MARCHF3: variants seen among roughly 807,000 people sequenced by gnomAD.
MARCHF3 encodes E3 ubiquitin-protein ligase MARCHF3.
MARCHF3 carries 13 observed loss-of-function variants against 24.2 expected under a neutral mutation model. That is an observed-to-expected ratio of 0.54 (90% CI 0.35 to 0.85). MARCHF3 has a LOEUF of 0.85. MARCHF3 is among the 40% of genes least tolerant of loss of function. MARCHF3 has a pLI of 0.01. For synonymous variants in MARCHF3, 144 were observed against 137.3 expected, an observed-to-expected ratio of 1.05 and a Z score of -0.34; for missense variants, 276 against 325.0, an observed-to-expected ratio of 0.85 and a Z score of 1.16.
chr5:127,001,931 GAATT>G (rs1283972641), intron 1 of MARCHF3, among the ~76,000 whole-genome samples: 1 of 152,204 alleles, frequency 6.6e-6, no homozygotes, highest in Non-Finnish European at 1.5e-5. Flanking sequence ...AGTCAAGCAT[GAATT>G]ACTTTATAGG....
chr5:126,977,075 T>C (rs1751227695), intron 1 of MARCHF3, among the ~76,000 whole-genome samples: 2 of 152,192 alleles, frequency 1.3e-5, no homozygotes, highest in Admixed American at 6.5e-5. Context: ...CCCAACATAA[T>C]CAGCACGTAC....
At chr5:127,019,747 C>G (rs1255417287) in intron 1 of MARCHF3, among the ~76,000 whole-genome samples, 1 of 152,218 alleles carries the variant, frequency 6.6e-6, no homozygotes, top group Non-Finnish European at 1.5e-5. Flanking sequence ...ACCTGCCTTA[C>G]TTTTCGCATG....
rs147122569 is a variant in MARCHF3, at chr5:126,927,942, C to G, written c.-56-9715G>C. On this transcript the variant is annotated intron_variant, in intron 1 of 4. Transcript: ENST00000308660. ...CCAGGCAAAATAACTAAATAATATA[C>G]AGAGGTCTACCCTTACACGTTTTCA... Among the ~76,000 whole-genome samples the G allele has an allele frequency of 3.6e-3, 546 of 152,248 alleles. 6 individuals carry two copies. The highest frequency in any genetic ancestry group is 0.013 in the African/African-American group (529 of 41,544).
At chr5:126,976,775 G>T (rs527577080) in intron 1 of MARCHF3, among the ~76,000 whole-genome samples, 1 of 152,142 alleles carries the variant, frequency 6.6e-6, no homozygotes, top group Non-Finnish European at 1.5e-5. Flanking sequence ...GGGAATCCTC[G>T]CCCCGATCCT....
chr5:126,955,383 C>A (rs1750405374), intron 1 of MARCHF3, among the ~76,000 whole-genome samples: 1 of 152,208 alleles, frequency 6.6e-6, no homozygotes, highest in Non-Finnish European at 1.5e-5. Context: ...TGGTTATGGA[C>A]CACATTTCAA....
intron 3 of MARCHF3, among the ~76,000 whole-genome samples, chr5:126,890,585 G>A (rs145033541): frequency 0.089 from 13,505 of 151,452 alleles, 1,371 homozygotes; most frequent in African/African-American, 0.25. Context: ...AAGTTTTCCA[G>A]TTTCATCCAT....
chr5:126,958,929 G>A (rs1478287248), intron 1 of MARCHF3, among the ~76,000 whole-genome samples: 3 of 152,078 alleles, frequency 2.0e-5, no homozygotes, highest in African/African-American at 7.2e-5. Flanking sequence ...TATTGCCAAA[G>A]TATAAAATGA....
At position 126,904,510 on chromosome 5, in the gene MARCHF3, C is replaced by G. The variant is rs1754220842; in HGVS notation, c.393+10420G>C. ...GACTTTTTAATGATTGCCATTCTAA[C>G]TGGTGTGAGATGGTATCTCATTGTG... On this transcript the variant is annotated intron_variant, in intron 3 of 4. Coordinates refer to ENST00000308660, the MANE Select transcript of MARCHF3 (RefSeq NM_178450.5). Among the ~76,000 whole-genome samples, 15 of 148,618 alleles carry G rather than the reference C, an allele frequency of 1.0e-4. 3 individuals are homozygous for G. In the South Asian group the frequency reaches 3.4e-3, roughly 33 times the overall value.
chr5:127,022,658 G>A (rs191495418), intron 1 of MARCHF3, among the ~76,000 whole-genome samples: 4 of 152,104 alleles, frequency 2.6e-5, no homozygotes, highest in Admixed American at 6.5e-5. Context: ...CCCAACCCCC[G>A]GATCCAAAGG....
intron 3 of MARCHF3, among the ~76,000 whole-genome samples, chr5:126,908,398 TA>T (rs1345661375): frequency 1.3e-5 from 2 of 152,224 alleles, no homozygotes; most frequent in Non-Finnish European, 2.9e-5. Flanking sequence ...TTCTCCTGGA[TA>T]ATATCCTGCA....
chr5:126,984,773 A>T (rs545841977), intron 1 of MARCHF3, among the ~76,000 whole-genome samples: 1 of 152,370 alleles, frequency 6.6e-6, no homozygotes, highest in African/African-American at 2.4e-5. Context: ...CTGAAGAAAG[A>T]GGAGTGATAA....
At chr5:126,874,314 G>A (rs1340737146) in intron 4 of MARCHF3, among the ~76,000 whole-genome samples, 1 of 152,214 alleles carries the variant, frequency 6.6e-6, no homozygotes, top group African/African-American at 2.4e-5. Context: ...GCGGCCTGGT[G>A]CAGTGGCTCA....
intron 3 of MARCHF3, among the ~76,000 whole-genome samples, chr5:126,903,619 C>A (rs1754179676): frequency 6.6e-6 from 1 of 151,524 alleles, no homozygotes; most frequent in Admixed American, 6.6e-5. Flanking sequence ...AATGTCTCCA[C>A]CTAAGTCTCG....
At chr5:127,017,841 G>GA (rs1056599334) in intron 1 of MARCHF3, among the ~76,000 whole-genome samples, 3 of 151,832 alleles carry the variant, frequency 2.0e-5, no homozygotes, top group African/African-American at 7.3e-5. Context: ...AATTTTATAG[G>GA]AAAAAAATCT....
rs749787660 is a variant in MARCHF3, at chr5:126,915,150, G to A, written c.189-16C>T. On this transcript the variant is annotated splice_polypyrimidine_tract_variant and intron_variant, in intron 2 of 4. Coordinates refer to ENST00000308660, the MANE Select transcript of MARCHF3 (RefSeq NM_178450.5). ...ATTGAAGGGGCTGCAAGAGAAGGAG[G>A]GGCACCTGCTGGTCACTGGGCTGGA... is the stretch of plus-strand genomic sequence containing the variant. The A allele has an allele frequency of 6.2e-7, 1 of 1,611,310 alleles. No individual in the cohort carries two copies. Among genetic ancestry groups the A allele is most frequent in the Admixed American group, 1.7e-5 (1 of 59,934 alleles).
intron 3 of MARCHF3, chr5:126,898,732 G>T: frequency 4.7e-6 from 2 of 422,574 alleles, no homozygotes; most frequent in Non-Finnish European, 6.3e-6. Context: ...CTGCTCCTAC[G>T]TGCCAGCATT....
At chr5:126,889,850 T>C (rs1753623643) in intron 3 of MARCHF3, among the ~76,000 whole-genome samples, 1 of 152,190 alleles carries the variant, frequency 6.6e-6, no homozygotes, top group Non-Finnish European at 1.5e-5. Flanking sequence ...CTAAACTCTG[T>C]CTTTGAATTT....
chr5:127,024,234 G>C (rs1034647077), intron 1 of MARCHF3, among the ~76,000 whole-genome samples: 1 of 152,224 alleles, frequency 6.6e-6, no homozygotes, highest in African/African-American at 2.4e-5. Context: ...CACTGCTAAA[G>C]TTGACAGTTG....
intron 1 of MARCHF3, among the ~76,000 whole-genome samples, chr5:127,028,551 T>C (rs570706810): frequency 1.7e-4 from 25 of 151,250 alleles, no homozygotes; most frequent in African/African-American, 6.1e-4. Flanking sequence ...TGTTTACTTC[T>C]ATTAAGGTAG....
Sources: allele counts gnomAD v4.1 joint callset (sites outside exome capture counted in the v4.1 genomes callset), GRCh38; gene constraint gnomAD v4.1.1; transcripts MANE v1.5; gene names NCBI Gene and HGNC (gene_info 2026-07-23, HGNC 2026-07-21).